The following RNF121 variants were observed in gnomAD, a reference collection of about 807,000 sequenced individuals.
RNF121 encodes E3 ubiquitin ligase RNF121.
In RNF121, 21 loss-of-function variants were observed where a neutral mutation model predicts 46.5. That is an observed-to-expected ratio of 0.45 (90% confidence interval 0.32 to 0.65). The LOEUF (loss-of-function observed/expected upper bound fraction) is 0.65, where lower values mean the gene tolerates loss of function less well. Among genes scored for constraint, RNF121 ranks in the 30% least tolerant of loss-of-function variants. RNF121 has a pLI of 0.04. For missense variants in RNF121, 346 were observed against 416.0 expected, an observed-to-expected ratio of 0.83 and a Z score of 1.46; for synonymous variants, 139 against 144.7, an observed-to-expected ratio of 0.96 and a Z score of 0.28.
chr11:71,983,172 TGTG>T (rs1352619137), intron 4 of RNF121: 4 of 322,738 alleles, frequency 1.2e-5, no homozygotes, highest in East Asian at 1.0e-4. Context: ...ATAAGCAAAT[TGTG>T]GTGATCATTG....
At chr11:71,959,424 A>G (rs962017371) in intron 2 of RNF121, among the ~76,000 whole-genome samples, 1 of 152,010 alleles carries the variant, frequency 6.6e-6, no homozygotes, top group Non-Finnish European at 1.5e-5. Context: ...TTTGCTGTTA[A>G]TGTTTAATTG....
intron 1 of RNF121, among the ~76,000 whole-genome samples, chr11:71,945,182 C>T (rs989728923): frequency 6.6e-6 from 1 of 151,862 alleles, no homozygotes; most frequent in Non-Finnish European, 1.5e-5. Flanking sequence ...GAGATGGAGT[C>T]TTGCTATGTT....
chr11:71,982,811 G>A lies in RNF121; in HGVS notation c.294G>A (p.Lys98=), dbSNP rs756422617. The change falls in exon 4 of 9, where the codon AAG becomes AAA. Residue 98 remains lysine, a synonymous_variant. Coordinates refer to ENST00000361756, the MANE Select transcript of RNF121 (RefSeq NM_018320.5). ...MWVVPLYFTV[K]LHWWRFLVIW... ...TTGTTCCCCTCTATTTCACAGTGAA[G>A]CTGCACTGGTGGAGGTTCCTAGTGA... The A allele has an allele frequency of 1.2e-6, 2 of 1,613,594 alleles. No homozygotes were observed. The highest frequency in any genetic ancestry group is 2.2e-5 in the East Asian group (1 of 44,850).
intron 3 of RNF121, among the ~76,000 whole-genome samples, chr11:71,961,362 A>T (rs909467426): frequency 2.0e-5 from 3 of 152,132 alleles, no homozygotes; most frequent in Non-Finnish European, 2.9e-5. Flanking sequence ...GGAGTTCAAG[A>T]CTAGCCTGGG....
At chr11:71,942,803 T>TACACAAACAC (rs56950003) in intron 1 of RNF121, among the ~76,000 whole-genome samples, 47 of 147,588 alleles carry the variant, frequency 3.2e-4, no homozygotes, top group East Asian at 1.8e-3. Context: ...TATATATATG[T>TACACAAACAC]ACACACACAC....
intron 3 of RNF121, among the ~76,000 whole-genome samples, chr11:71,965,254 AT>A (rs10707525): frequency 0.88 from 124,069 of 141,574 alleles, 54,412 homozygotes; most frequent in Non-Finnish European, 0.93. Context: ...CTGCATAGTA[AT>A]TTTTTTTTTT....
intron 1 of RNF121, among the ~76,000 whole-genome samples, chr11:71,932,937 G>C (rs939910838): frequency 6.6e-6 from 1 of 152,166 alleles, no homozygotes; most frequent in Non-Finnish European, 1.5e-5. Context: ...GGTAGTTAGG[G>C]AGAGGAGAGA....
chr11:71,929,075 T>G lies in RNF121; in HGVS notation c.14T>G (p.Val5Gly), dbSNP rs1183364873. ...CGAGCCGTGAAGATGGCGGCAGTGG[T>G]GGAGGTGGAGGTTGGAGGTGGTGCT... MAAVVEVEVGGGAAG... is the reference protein window; with the variant it reads MAAVGEVEVGGGAAG... Residue 5 changes from valine (V) to glycine (G), a missense_variant, in exon 1 of 9, where the codon GTG becomes GGG. This residue lies in a region of RNF121 where 60 missense variants were observed against 32.2 expected (regional missense o/e 1.86). Transcript: ENST00000361756. The G allele has an allele frequency of 6.4e-7, 1 of 1,550,666 alleles. No individual in the cohort carries two copies. The highest frequency in any genetic ancestry group is 8.7e-7 in the Non-Finnish European group (1 of 1,146,820).
intron 3 of RNF121, among the ~76,000 whole-genome samples, chr11:71,977,872 C>T (rs530305088): frequency 7.2e-5 from 11 of 152,296 alleles, no homozygotes; most frequent in Admixed American, 2.6e-4. Flanking sequence ...TCATGCTTTC[C>T]ACAGCATCAG....
At chr11:71,957,347 T>C (rs563913823) in intron 2 of RNF121, 83 bp downstream of exon 2, 1 of 931,332 alleles carries the variant, frequency 1.1e-6, no homozygotes, top group African/African-American at 1.6e-5. Flanking sequence ...CCCATTTTGC[T>C]TTCTTGTCAG....
rs759977715 is a variant in RNF121 at position 71,960,737 on chromosome 11, GT to G, written c.102-10del. ...ATCCCTGACTTGATTCACCCCATGT[GT>G]TTGGCTTTCAGGGTCGAGCACGCAC... On this transcript the variant is annotated splice_polypyrimidine_tract_variant and intron_variant, in intron 2 of 8. Transcript: ENST00000361756. 2.5e-5 allele frequency: 41 copies of G among 1,610,662 alleles called. No homozygotes were observed. The highest frequency in any genetic ancestry group is 3.1e-5 in the Non-Finnish European group (36 of 1,177,804).
intron 6 of RNF121, among the ~76,000 whole-genome samples, chr11:71,993,036 A>C (rs1046369231): frequency 6.6e-6 from 1 of 152,156 alleles, no homozygotes; most frequent in Admixed American, 6.5e-5. Flanking sequence ...TTTGTCCCTC[A>C]GTATCATGGG....
intron 3 of RNF121, among the ~76,000 whole-genome samples, chr11:71,967,419 G>A (rs1423290820): frequency 7.6e-6 from 1 of 131,716 alleles, no homozygotes; most frequent in Non-Finnish European, 1.5e-5. Context: ...GCATGGTCTC[G>A]GCTCACTGCA....
chr11:71,967,108 T>C (rs1477343010), intron 3 of RNF121, among the ~76,000 whole-genome samples: 2 of 148,948 alleles, frequency 1.3e-5, no homozygotes, highest in Non-Finnish European at 3.0e-5. Flanking sequence ...CCTGACCTCA[T>C]GATCCACCCG....
chr11:71,930,536 A>G (rs1265035847), intron 1 of RNF121, among the ~76,000 whole-genome samples: 1 of 50,338 alleles, frequency 2.0e-5, no homozygotes, highest in Non-Finnish European at 1.3e-4. Context: ...CTACCTCCCA[A>G]TCACTAGAGA....
At chr11:71,965,238 T>A (rs1954247749) in intron 3 of RNF121, among the ~76,000 whole-genome samples, 1 of 148,930 alleles carries the variant, frequency 6.7e-6, no homozygotes, top group South Asian at 2.1e-4. Flanking sequence ...CCTCTTAAAC[T>A]AATGACTGCA....
chr11:71,956,628 A>T (rs1310917799), intron 1 of RNF121, among the ~76,000 whole-genome samples: 1 of 152,252 alleles, frequency 6.6e-6, no homozygotes, highest in African/African-American at 2.4e-5. Flanking sequence ...AGCGGCTACC[A>T]TAGGGCCATT....
intron 3 of RNF121, among the ~76,000 whole-genome samples, chr11:71,963,627 A>C (rs1468836938): frequency 6.6e-6 from 1 of 151,976 alleles, no homozygotes; most frequent in Non-Finnish European, 1.5e-5. Flanking sequence ...CCAAAAAAAA[A>C]AGAGTTTTAT....
At chr11:71,976,103 C>G (rs1264519423) in intron 3 of RNF121, among the ~76,000 whole-genome samples, 1 of 152,092 alleles carries the variant, frequency 6.6e-6, no homozygotes, top group Non-Finnish European at 1.5e-5. Flanking sequence ...TTATCTGAAG[C>G]CTTCTTGTAG....
Sources: allele counts gnomAD v4.1 joint callset (sites outside exome capture counted in the v4.1 genomes callset), GRCh38; gene constraint gnomAD v4.1.1; regional missense constraint gnomAD v4.1.1; transcripts MANE v1.5; gene names NCBI Gene and HGNC (gene_info 2026-07-23, HGNC 2026-07-21).